PTCSC3: variants seen among roughly 807,000 people sequenced by gnomAD.
The protein encoded by PTCSC3 is papillary thyroid carcinoma susceptibility candidate 3 (non-protein coding).
At chr14:36,141,725 TTATC>T (rs1418422032) in intron 3 of PTCSC3, among the ~76,000 whole-genome samples, 1 of 152,148 alleles carries the variant, frequency 6.6e-6, no homozygotes, top group Non-Finnish European at 1.5e-5. Context: ...TGTATATATT[TTATC>T]TAAGCCAGAT....
intron 1 of PTCSC3, among the ~76,000 whole-genome samples, chr14:36,165,818 G>A (rs934578859): frequency 3.3e-5 from 5 of 150,876 alleles, no homozygotes; most frequent in Admixed American, 1.3e-4. Context: ...AGAAGAAGCC[G>A]TGGGAGGAAC....
At chr14:36,170,970 T>C (rs1394945860) in intron 1 of PTCSC3, among the ~76,000 whole-genome samples, 1 of 152,166 alleles carries the variant, frequency 6.6e-6, no homozygotes, top group African/African-American at 2.4e-5. Flanking sequence ...ATACCATATA[T>C]TTCTAACTTA....
At chr14:36,150,895 A>G (rs925026251) in intron 3 of PTCSC3, among the ~76,000 whole-genome samples, 2 of 152,134 alleles carry the variant, frequency 1.3e-5, no homozygotes, top group African/African-American at 4.8e-5. Flanking sequence ...TATTTTGAAC[A>G]AACAATTATA....
intron 2 of PTCSC3, among the ~76,000 whole-genome samples, chr14:36,158,620 A>G (rs1340623198): frequency 6.6e-6 from 1 of 152,202 alleles, no homozygotes; most frequent in East Asian, 1.9e-4. Context: ...ATCATGGTGG[A>G]AAAGCTTTTT....
intron 1 of PTCSC3, among the ~76,000 whole-genome samples, chr14:36,164,460 A>G (rs1194046000): frequency 6.6e-6 from 1 of 152,210 alleles, no homozygotes; most frequent in East Asian, 1.9e-4. Context: ...CCTTGCATTT[A>G]TGTGTTATTT....
chr14:36,161,337 T>C (rs1364450303), intron 2 of PTCSC3, among the ~76,000 whole-genome samples: 1 of 152,188 alleles, frequency 6.6e-6, no homozygotes, highest in Non-Finnish European at 1.5e-5. Flanking sequence ...TTTGTGCTGG[T>C]TTTTCCTCAT....
intron 1 of PTCSC3, among the ~76,000 whole-genome samples, chr14:36,171,267 A>G (rs974277729): frequency 3.3e-5 from 5 of 152,136 alleles, no homozygotes; most frequent in African/African-American, 9.7e-5. Flanking sequence ...GCGATTATAA[A>G]CACACTATCT....
chr14:36,172,213 A>G (rs1882205556), intron 1 of PTCSC3, among the ~76,000 whole-genome samples: 1 of 152,148 alleles, frequency 6.6e-6, no homozygotes, highest in Non-Finnish European at 1.5e-5. Context: ...TATATTAAAA[A>G]CTATAGAAGG....
At chr14:36,138,142 T>C (rs1881331511) in intron 3 of PTCSC3, among the ~76,000 whole-genome samples, 1 of 150,698 alleles carries the variant, frequency 6.6e-6, no homozygotes, top group African/African-American at 2.4e-5. Context: ...ACAGTTTTTC[T>C]GATAAATGGT....
chr14:36,173,316 T>A (rs1882221741), intron 1 of PTCSC3, among the ~76,000 whole-genome samples: 1 of 152,180 alleles, frequency 6.6e-6, no homozygotes, highest in Non-Finnish European at 1.5e-5. Context: ...ATTAGATGAG[T>A]CAGACTCTTT....
chr14:36,166,326 G>A (rs886547100), intron 1 of PTCSC3, among the ~76,000 whole-genome samples: 4 of 152,208 alleles, frequency 2.6e-5, no homozygotes, highest in Non-Finnish European at 4.4e-5. Context: ...CATATTCCTA[G>A]CAGAGTGAAA....
intron 3 of PTCSC3, among the ~76,000 whole-genome samples, chr14:36,137,668 G>A (rs1295936703): frequency 6.6e-6 from 1 of 152,094 alleles, no homozygotes; most frequent in Admixed American, 6.5e-5. Flanking sequence ...GAGGAGTCAA[G>A]GATAACTCCA....
chr14:36,162,105 C>T (rs1881969195), intron 2 of PTCSC3, among the ~76,000 whole-genome samples: 1 of 152,058 alleles, frequency 6.6e-6, no homozygotes, highest in Non-Finnish European at 1.5e-5. Flanking sequence ...GCTGTGCTGG[C>T]ACTGAGAATT....
chr14:36,153,480 C>A (rs1881766451), intron 3 of PTCSC3, among the ~76,000 whole-genome samples: 1 of 152,076 alleles, frequency 6.6e-6, no homozygotes, highest in Non-Finnish European at 1.5e-5. Flanking sequence ...ATGTTGACAC[C>A]CACAGTGTTA....
intron 3 of PTCSC3, among the ~76,000 whole-genome samples, chr14:36,147,481 A>G (rs887091801): frequency 4.0e-5 from 6 of 151,836 alleles, no homozygotes; most frequent in Non-Finnish European, 8.8e-5. Flanking sequence ...TGCATTCTTC[A>G]CGTTGTTCTT....
chr14:36,167,505 A>G (rs116297288), intron 1 of PTCSC3, among the ~76,000 whole-genome samples: 3,086 of 152,290 alleles, frequency 0.02, 106 homozygotes, highest in Admixed American at 0.083. Context: ...TGGCTTCGAT[A>G]GTCATGTTCA....
At chr14:36,168,536 G>A (rs771364973) in intron 1 of PTCSC3, among the ~76,000 whole-genome samples, 11 of 151,776 alleles carry the variant, frequency 7.2e-5, no homozygotes, top group Non-Finnish European at 1.2e-4. Context: ...CATAACTAGA[G>A]TACTGTCCAC....
At chr14:36,162,007 G>A (rs914041000) in intron 2 of PTCSC3, among the ~76,000 whole-genome samples, 2 of 152,116 alleles carry the variant, frequency 1.3e-5, no homozygotes, top group Non-Finnish European at 2.9e-5. Context: ...TGTTTACACC[G>A]TGAGGGTAAA....
chr14:36,158,445 T>G (rs2139103720), intron 2 of PTCSC3, among the ~76,000 whole-genome samples: 1 of 152,316 alleles, frequency 6.6e-6, no homozygotes, highest in South Asian at 2.1e-4. Context: ...CGTGGTTCAT[T>G]GAGAGTTTTT....
Sources: allele counts gnomAD v4.1 joint callset (sites outside exome capture counted in the v4.1 genomes callset), GRCh38; gene constraint gnomAD v4.1.1; transcripts MANE v1.5; gene names NCBI Gene and HGNC (gene_info 2026-07-23, HGNC 2026-07-21).